ARL15: variants seen among roughly 807,000 people sequenced by gnomAD.
The protein encoded by ARL15 is ARF like GTPase 15, also known as ADP-ribosylation factor-like protein 15.
Under a neutral mutation model 25.2 loss-of-function variants are expected in ARL15, and 19 were observed. That is an observed-to-expected ratio of 0.75 (90% CI 0.53 to 1.10). The LOEUF (loss-of-function observed/expected upper bound fraction) is 1.10. Among genes scored for constraint, ARL15 ranks in the 50% least tolerant of loss-of-function variants. The probability of loss-of-function intolerance (pLI) is 0.00; values close to 1 mark genes in which losing one functional copy is unlikely to be tolerated. For missense variants in ARL15, 220 were observed against 246.0 expected (o/e 0.89, Z 0.71); for synonymous variants, 94 against 86.8 (o/e 1.08, Z -0.46).
At chr5:54,175,807 C>T (rs978270248) in intron 1 of ARL15, among the ~76,000 whole-genome samples, 11 of 151,900 alleles carry the variant, frequency 7.2e-5, no homozygotes, top group South Asian at 2.1e-4. Flanking sequence ...TGTGCACCAC[C>T]ACACCCAGCT....
chr5:54,124,529 T>C (rs1413057840), intron 3 of ARL15, among the ~76,000 whole-genome samples: 1 of 151,622 alleles, frequency 6.6e-6, no homozygotes, highest in East Asian at 1.9e-4. Context: ...ATTTTGTCTC[T>C]TTCTTAATTA....
chr5:54,003,594 ATTGT>A (rs1265181050), intron 4 of ARL15, among the ~76,000 whole-genome samples: 1 of 152,174 alleles, frequency 6.6e-6, no homozygotes, highest in Non-Finnish European at 1.5e-5. Context: ...TTCACCTGTG[ATTGT>A]TTGTAGTCTA....
chr5:54,125,400 G>A (rs900142000), intron 3 of ARL15, among the ~76,000 whole-genome samples: 5 of 152,156 alleles, frequency 3.3e-5, no homozygotes, highest in South Asian at 2.1e-4. Context: ...GGAATTGAGT[G>A]TATTCTCTCA....
At chr5:54,305,893 A>G (rs1164765867) in intron 1 of ARL15, among the ~76,000 whole-genome samples, 1 of 152,230 alleles carries the variant, frequency 6.6e-6, no homozygotes, top group East Asian at 1.9e-4. Context: ...TTAATTGACA[A>G]TTAGCATCCA....
intron 1 of ARL15, among the ~76,000 whole-genome samples, chr5:54,172,801 T>A (rs1754758558): frequency 6.6e-6 from 1 of 152,212 alleles, no homozygotes; most frequent in Admixed American, 6.5e-5. Flanking sequence ...CAAAAATTTT[T>A]AAAATCATTA....
chr5:54,200,127 C>G (rs1317399361), intron 1 of ARL15, among the ~76,000 whole-genome samples: 6 of 127,964 alleles, frequency 4.7e-5, no homozygotes, highest in Non-Finnish European at 9.6e-5. Context: ...GGGAACATCA[C>G]ACTCTGGGGA....
chr5:54,181,750 A>G (rs375459307), intron 1 of ARL15, among the ~76,000 whole-genome samples: 1 of 152,218 alleles, frequency 6.6e-6, no homozygotes, highest in Non-Finnish European at 1.5e-5. Flanking sequence ...CCTGATGAAC[A>G]TAGCGAGACC....
At chr5:53,923,393 C>T (rs978873647) in intron 4 of ARL15, among the ~76,000 whole-genome samples, 1 of 152,154 alleles carries the variant, frequency 6.6e-6, no homozygotes, top group Admixed American at 6.5e-5. Context: ...TGTCCCCACC[C>T]CACTGCCTCC....
intron 1 of ARL15, among the ~76,000 whole-genome samples, chr5:54,221,864 CACACACAA>C (rs1756386348): frequency 7.0e-6 from 1 of 143,346 alleles, no homozygotes; most frequent in Non-Finnish European, 1.5e-5. Context: ...CACACACACA[CACACACAA>C]AACCCTCATG....
chr5:53,889,137 AAAT>A lies in ARL15; in HGVS notation c.463-2427_463-2425del, dbSNP rs1006896371. ...ACAAGAAATTCAATATTAAAATAAT[AAAT>A]AATAATAATAATAGGAAGGCATCTC... is the stretch of plus-strand genomic sequence containing the variant. On this transcript the variant is annotated intron_variant, in intron 4 of 4. Coordinates refer to ENST00000504924, the MANE Select transcript of ARL15 (RefSeq NM_019087.3). 2.2e-4 allele frequency among the ~76,000 whole-genome samples: 34 copies of A among 152,080 alleles called. No homozygotes were observed. The East Asian group carries it at 4.4e-3, about 20-fold the overall frequency.
chr5:54,167,332 C>T (rs1419599205), intron 2 of ARL15, among the ~76,000 whole-genome samples: 3 of 152,248 alleles, frequency 2.0e-5, no homozygotes, highest in East Asian at 3.9e-4. Context: ...CCCTTGCTCT[C>T]GGCTTCATCT....
chr5:54,198,912 G>A (rs1300152684), intron 1 of ARL15, among the ~76,000 whole-genome samples: 1 of 152,134 alleles, frequency 6.6e-6, no homozygotes, highest in Non-Finnish European at 1.5e-5. Context: ...CAAGGCTACA[G>A]TAACCAAAAC....
At chr5:54,279,829 G>T (rs16882575) in intron 1 of ARL15, among the ~76,000 whole-genome samples, 11,425 of 152,214 alleles carry the variant, frequency 0.075, 590 homozygotes, top group African/African-American at 0.14. Flanking sequence ...CCAAGTTCTA[G>T]ATGGAAATAC....
chr5:54,166,431 C>A (rs1008219856), intron 2 of ARL15, among the ~76,000 whole-genome samples: 1 of 152,006 alleles, frequency 6.6e-6, no homozygotes, highest in African/African-American at 2.4e-5. Context: ...AAATTCCTGG[C>A]CTCAAGTGAT....
At chr5:54,128,157 T>G (rs1026325448) in intron 3 of ARL15, among the ~76,000 whole-genome samples, 2 of 152,232 alleles carry the variant, frequency 1.3e-5, no homozygotes, top group African/African-American at 4.8e-5. Context: ...AAAATTCTTA[T>G]GCAGATTTCA....
chr5:54,056,743 G>A (rs1015657430), intron 4 of ARL15, among the ~76,000 whole-genome samples: 2 of 152,162 alleles, frequency 1.3e-5, no homozygotes, highest in South Asian at 2.1e-4. Context: ...TGGTGTGATG[G>A]AATAATCACA....
intron 3 of ARL15, among the ~76,000 whole-genome samples, chr5:54,147,317 A>G (rs983700523): frequency 2.0e-5 from 3 of 152,210 alleles, no homozygotes; most frequent in Non-Finnish European, 1.5e-5. Flanking sequence ...AAATACCACC[A>G]TCTATTCTTA....
At chr5:54,281,424 G>A (rs1169537682) in intron 1 of ARL15, among the ~76,000 whole-genome samples, 3 of 152,178 alleles carry the variant, frequency 2.0e-5, no homozygotes, top group Admixed American at 1.3e-4. Context: ...ACCAGGCCTG[G>A]CCTACTATAA....
chr5:53,985,005 T>C (rs973952794), intron 4 of ARL15, among the ~76,000 whole-genome samples: 3 of 152,222 alleles, frequency 2.0e-5, no homozygotes, highest in South Asian at 2.1e-4. Flanking sequence ...TTTTTAAATA[T>C]TGAACTTTCT....
Sources: gnomAD v4.1 joint callset for allele counts (sites outside exome capture counted in the v4.1 genomes callset) on GRCh38, gnomAD v4.1.1 for gene constraint, MANE v1.5 for transcripts, NCBI Gene and HGNC (gene_info 2026-07-23, HGNC 2026-07-21) for gene names.